MRGPRF: variants seen among roughly 807,000 people sequenced by gnomAD.
MRGPRF encodes mas-related G protein-coupled receptor member F.
MRGPRF carries 2 observed loss-of-function variants against 3.3 expected under a neutral mutation model. The observed-to-expected ratio is 0.61, with a 90% CI of 0.25 to 1.92. MRGPRF has a LOEUF of 1.92. Ranked by LOEUF, MRGPRF falls within the 40% of genes most tolerant of loss-of-function variation. The probability of loss-of-function intolerance (pLI) is 0.16; values close to 1 mark genes in which losing one functional copy is unlikely to be tolerated. For synonymous variants in MRGPRF, 242 were observed against 222.7 expected, an observed-to-expected ratio of 1.09 and a Z score of -0.77; for missense variants, 500 against 476.0, an observed-to-expected ratio of 1.05 and a Z score of -0.47.
At position 69,005,965 on chromosome 11, in the gene MRGPRF, G is replaced by C. The variant is rs1388557302; in HGVS notation, c.345C>G (p.Ile115Met). ...GGFLGTFADY[I>M]RSVCRVLGLC... ...GCCCCAGGACCCGGCACACGCTGCGGATGTAGTCGGCAAACGTGCCCAGGA... is the reference window on the plus strand; with the variant it reads ...GCCCCAGGACCCGGCACACGCTGCGCATGTAGTCGGCAAACGTGCCCAGGA... The change falls in exon 3 of 3, where the codon ATC becomes ATG. Residue 115 changes from isoleucine (I) to methionine (M), a missense_variant. Physicochemically the swap from Ile to Met is conservative, Grantham distance 10. Coordinates refer to ENST00000309099, the MANE Select transcript of MRGPRF (RefSeq NM_145015.5). 3.2e-6 allele frequency: 5 copies of C among 1,566,576 alleles called. No individual in the cohort carries two copies. The highest frequency in any genetic ancestry group is 4.3e-6 in the Non-Finnish European group (5 of 1,155,856).
Position 69,006,297 on chromosome 11 carries a change from G to A in MRGPRF, c.49-36C>T, listed in dbSNP as rs752813875. 9 of 1,559,680 alleles carry A rather than the reference G, an allele frequency of 5.8e-6. No individual in the cohort carries two copies. In the South Asian group the frequency reaches 1.1e-4, roughly 18 times the overall value. The stretch of plus-strand genomic sequence containing the variant: ...GCAGAGAGGGACACCTGTGATGCCG[G>A]CTGGCCCCCACCCACAGACCTGCAT... On this transcript the variant is annotated intron_variant, in intron 2 of 2. Transcript: ENST00000309099.
intron 2 of MRGPRF, among the ~76,000 whole-genome samples, chr11:69,008,271 C>G (rs996526445): frequency 6.6e-6 from 1 of 152,218 alleles, no homozygotes; most frequent in African/African-American, 2.4e-5. Flanking sequence ...CCGACCTTTC[C>G]CCCCAGAGGC....
chr11:69,006,872 C>T (rs1565064480), intron 2 of MRGPRF, among the ~76,000 whole-genome samples: 1 of 152,166 alleles, frequency 6.6e-6, no homozygotes. Context: ...GATCCACCTG[C>T]CTCCCAAAGT....
intron 2 of MRGPRF, chr11:69,009,332 G>T (rs1176828404): frequency 2.5e-6 from 1 of 393,398 alleles, no homozygotes; most frequent in Non-Finnish European, 4.5e-6. Flanking sequence ...TAGGGGACTA[G>T]GTTGGCTGAG....
chr11:69,007,528 A>T (rs1565064753), intron 2 of MRGPRF, among the ~76,000 whole-genome samples: 1 of 152,206 alleles, frequency 6.6e-6, no homozygotes, highest in Non-Finnish European at 1.5e-5. Flanking sequence ...CTTTCAAATC[A>T]TTCTGGGAAA....
chr11:69,007,335 G>A (rs891917691), intron 2 of MRGPRF, among the ~76,000 whole-genome samples: 7 of 152,172 alleles, frequency 4.6e-5, no homozygotes, highest in African/African-American at 1.2e-4. Context: ...AGGCTCCCGA[G>A]TAGCTGGGAC....
Position 69,005,481 on chromosome 11 carries a change from C to T in MRGPRF, c.829G>A (p.Asp277Asn). The T allele has an allele frequency of 6.3e-7, 1 of 1,585,312 alleles. No individual in the cohort carries two copies. Among genetic ancestry groups the T allele is most frequent in the Non-Finnish European group, 8.6e-7 (1 of 1,165,876 alleles). The stretch of plus-strand genomic sequence containing the variant: ...CTGCTGTTGATGCAGATGCACAGGT[C>T]AGTGACGTACTCGGGGAAGGGGGCC... The part of the protein sequence containing the change: ...IPAPFPEYVT[D>N]LCICINSSAK... The change falls in exon 3 of 3, where the codon GAC (aspartate) becomes AAC (asparagine). Residue 277 changes from aspartate to asparagine, a missense_variant. Asp to Asn is a conservative substitution (Grantham distance 23). Coordinates refer to ENST00000309099, the MANE Select transcript of MRGPRF (RefSeq NM_145015.5).
chr11:69,005,794 G>A lies in MRGPRF; in HGVS notation c.516C>T (p.Leu172=), dbSNP rs1375121275. The A allele has an allele frequency of 6.5e-7, 1 of 1,539,738 alleles. No homozygotes were observed. The highest frequency in any genetic ancestry group is 8.8e-7 in the Non-Finnish European group (1 of 1,141,964). The part of the protein sequence containing the change: ...VVCALLWVLS[L]LVTCLHNYFC... Reference sequence around the variant, plus strand: ...AGTAGTTGTGCAGGCAGGTGACCAGGAGGGACAGGACCCACAGCAGGGCGC... The same window carrying A: ...AGTAGTTGTGCAGGCAGGTGACCAGAAGGGACAGGACCCACAGCAGGGCGC... The change falls in exon 3 of 3, where the codon CTC becomes CTT. Residue 172 remains leucine, a synonymous_variant. Coordinates refer to ENST00000309099, the MANE Select transcript of MRGPRF (RefSeq NM_145015.5).
At chr11:69,010,805 C>T (rs1020915803) in intron 1 of MRGPRF, among the ~76,000 whole-genome samples, 54 of 152,102 alleles carry the variant, frequency 3.6e-4, no homozygotes, top group African/African-American at 1.2e-3. Flanking sequence ...GGCTGGTCCA[C>T]CTTGGCCGGC....
rs1428181492 is a variant in MRGPRF at position 69,005,659 on chromosome 11, G to A, written c.651C>T (p.Cys217=). 1.9e-6 allele frequency: 3 copies of A among 1,552,002 alleles called. No individual in the cohort carries two copies. ...ACTCCACGTGCAGGATGAGGGCCAGGCAGGGCAGCACCATGAGCGGGCAGC... is the reference window on the plus strand; with the variant it reads ...ACTCCACGTGCAGGATGAGGGCCAGACAGGGCAGCACCATGAGCGGGCAGC... ...LLCCPLMVLP[C]LALILHVECR... is the part of the protein sequence containing the mutation. Residue 217 remains cysteine, a synonymous_variant, in exon 3 of 3, where the codon TGC becomes TGT. Transcript: ENST00000309099.
At position 69,005,192 on chromosome 11, in the gene MRGPRF, A is replaced by T; in HGVS notation, c.*86T>A. 2 of 1,391,342 alleles carry T rather than the reference A, an allele frequency of 1.4e-6. No homozygotes were observed. Among genetic ancestry groups the T allele is most frequent in the South Asian group, 3.0e-5 (2 of 66,824 alleles). 86.2% of individuals were successfully genotyped at this position (1,391,342 alleles called of 1,614,324 possible). On this transcript the variant is annotated 3_prime_UTR_variant, in exon 3 of 3. Coordinates refer to ENST00000309099, the MANE Select transcript of MRGPRF (RefSeq NM_145015.5). ...AACAGATCTTTCTTCTCCTGTATGG[A>T]CTCAGAAGCAGGTGCCCATTCCTGT...
upstream of MRGPRF, chr11:69,013,547 G>A: frequency 6.5e-6 from 1 of 152,884 alleles, no homozygotes; most frequent in Non-Finnish European, 1.5e-5. Context: ...TCTTTGGTCT[G>A]CCCCCAGTGG....
In MRGPRF at chr11:69,005,204, G is replaced by A; in HGVS notation, c.*74C>T. 4 of 1,417,124 alleles carry A rather than the reference G, an allele frequency of 2.8e-6. No individual in the cohort carries two copies. The highest frequency in any genetic ancestry group is 3.7e-6 in the Non-Finnish European group (4 of 1,083,112). The allele number at this position is 1,417,124 out of a possible 1,614,324, so 87.8% of individuals were successfully genotyped here. ...TTCTCCTGTATGGACTCAGAAGCAG[G>A]TGCCCATTCCTGTCCCAAGGCGAAG... On this transcript the variant is annotated 3_prime_UTR_variant, in exon 3 of 3. Coordinates refer to ENST00000309099, the MANE Select transcript of MRGPRF (RefSeq NM_145015.5).
intron 1 of MRGPRF, 59 bp from the exon 2 acceptor site, chr11:69,010,016 A>C (rs1590681828): frequency 8.3e-7 from 1 of 1,197,628 alleles, no homozygotes; most frequent in Non-Finnish European, 1.2e-6. Context: ...CCCTTCCTGG[A>C]CCCCCGTGCC....
At chr11:69,007,774 G>A (rs957912214) in intron 2 of MRGPRF, among the ~76,000 whole-genome samples, 7 of 152,210 alleles carry the variant, frequency 4.6e-5, no homozygotes, top group African/African-American at 1.2e-4. Context: ...TGGGATGGGA[G>A]GTGGCTTCCT....
Position 69,005,458 on chromosome 11 carries a change from G to T in MRGPRF, c.852C>A (p.Ser284Arg). ...YVTDLCICIN[S>R]SAKPIVYFLA... is the part of the protein sequence containing the mutation. ...GGAAGTAGACGATGGGCTTGGCGCT[G>T]CTGTTGATGCAGATGCACAGGTCAG... Residue 284 changes from serine (S) to arginine (R), a missense_variant, in exon 3 of 3, where the codon AGC (serine) becomes AGA (arginine). Transcript: ENST00000309099. 6.3e-7 allele frequency: 1 copy of T among 1,588,220 alleles called. No homozygotes were observed. The highest frequency in any genetic ancestry group is 2.3e-5 in the East Asian group (1 of 43,548).
In MRGPRF at chr11:69,005,006, C is replaced by G. The variant is rs1860438244; in HGVS notation, c.*272G>C. ...CCAACCAGCCTAGGGCAAGGAGGGG[C>G]CCCACCACCTGGGGGCAACTTCTGT... On this transcript the variant is annotated 3_prime_UTR_variant, in exon 3 of 3. Coordinates refer to ENST00000309099, the MANE Select transcript of MRGPRF (RefSeq NM_145015.5). 1 of 417,710 alleles carries G rather than the reference C, an allele frequency of 2.4e-6. No individual in the cohort carries two copies. The highest frequency in any genetic ancestry group is 2.1e-5 in the African/African-American group (1 of 48,498). 25.9% of individuals were successfully genotyped at this position (417,710 alleles called of 1,614,324 possible). A position where few individuals can be genotyped will look rare whatever the true frequency, so the allele number is the denominator to read the frequency against.
rs565775405 is a variant in MRGPRF at position 69,007,461 on chromosome 11, G to C, written c.49-1200C>G. Among the ~76,000 whole-genome samples, 9 of 152,318 alleles carry C rather than the reference G, an allele frequency of 5.9e-5. No homozygotes were observed. The South Asian group carries it at 1.9e-3, about 32-fold the overall frequency. ...GACCTCAGGTGATCCGCCCATCTTGGCCTCCCAAAGTGCTGGGATTAGAGG... is the reference window on the plus strand; with the variant it reads ...GACCTCAGGTGATCCGCCCATCTTGCCCTCCCAAAGTGCTGGGATTAGAGG... On this transcript the variant is annotated intron_variant, in intron 2 of 2. Coordinates refer to ENST00000309099, the MANE Select transcript of MRGPRF (RefSeq NM_145015.5).
At chr11:69,010,343 A>G (rs1043828957) in intron 1 of MRGPRF, among the ~76,000 whole-genome samples, 7 of 152,208 alleles carry the variant, frequency 4.6e-5, no homozygotes, top group African/African-American at 1.2e-4. Context: ...TTTCCCAGCA[A>G]TCGGTCCCAG....
Sources: allele counts gnomAD v4.1 joint callset (sites outside exome capture counted in the v4.1 genomes callset), GRCh38; gene constraint gnomAD v4.1.1; transcripts MANE v1.5; gene names NCBI Gene and HGNC (gene_info 2026-07-23, HGNC 2026-07-21).